LYPLAL1: variants seen among roughly 807,000 people sequenced by gnomAD.
LYPLAL1 encodes the protein lysophospholipase-like protein 1.
Under a neutral mutation model 19.7 loss-of-function variants are expected in LYPLAL1, and 23 were observed. That is an observed-to-expected ratio of 1.17 (90% CI 0.84 to 1.65). The LOEUF (loss-of-function observed/expected upper bound fraction) is 1.65, where lower values mean the gene tolerates loss of function less well. Among genes scored for constraint, LYPLAL1 ranks in the 40% most tolerant of loss-of-function variants. The probability of loss-of-function intolerance (pLI) is 0.00; values close to 1 mark genes in which losing one functional copy is unlikely to be tolerated. For missense variants in LYPLAL1, 355 were observed against 279.4 expected (o/e 1.27, Z -1.93); for synonymous variants, 119 against 96.3 (o/e 1.24, Z -1.38).
chr1:219,323,338 G>C, the LYPLAL1 span, among the ~76,000 whole-genome samples: 1 of 152,192 alleles, frequency 6.6e-6, no homozygotes, highest in African/African-American at 2.4e-5. Flanking sequence ...CCCTTGTAAA[G>C]ACTTCCTGTC....
At chr1:219,314,497 T>C in the LYPLAL1 span, among the ~76,000 whole-genome samples, 1 of 152,130 alleles carries the variant, frequency 6.6e-6, no homozygotes, top group African/African-American at 2.4e-5. Flanking sequence ...CAGGCTGGAG[T>C]GCAGTGGCGC....
chr1:219,308,250 G>A, the LYPLAL1 span, among the ~76,000 whole-genome samples: 1 of 152,196 alleles, frequency 6.6e-6, no homozygotes, highest in South Asian at 2.1e-4. Flanking sequence ...CATTCAAGAG[G>A]TGACTTGGGT....
At position 219,179,139 on chromosome 1, in the gene LYPLAL1, TTCA is replaced by T. The variant is rs773857906; in HGVS notation, c.92-4_92-2del. The T allele has an allele frequency of 1.3e-6, 2 of 1,581,150 alleles. No homozygotes were observed. Among genetic ancestry groups the T allele is most frequent in the African/African-American group, 2.7e-5 (2 of 73,044 alleles). ...ATTTATTTTAATCTAGATTTTTTGA[TTCA>T]TCAGGTGATTCTGGACAAGGATTAA... On this transcript the variant is annotated splice_polypyrimidine_tract_variant and splice_region_variant and intron_variant, in intron 1 of 4. Transcript: ENST00000366928.
chr1:219,381,807 C>A, the LYPLAL1 span, among the ~76,000 whole-genome samples: 2 of 152,078 alleles, frequency 1.3e-5, no homozygotes, highest in Non-Finnish European at 2.9e-5. Flanking sequence ...ACTAAAGATA[C>A]AAAAAAGATT....
chr1:219,420,122 CAAAGCCCCTGAGGAAA>C, the LYPLAL1 span, among the ~76,000 whole-genome samples: 1 of 152,212 alleles, frequency 6.6e-6, no homozygotes, highest in East Asian at 1.9e-4. Flanking sequence ...AGACTTGGGG[CAAAGCCCCTGAGGAAA>C]GGAATTGACT....
the LYPLAL1 span, among the ~76,000 whole-genome samples, chr1:219,415,145 T>C: frequency 1.8e-4 from 27 of 152,256 alleles, no homozygotes; most frequent in Admixed American, 1.4e-3. Context: ...ACTTCAAAAG[T>C]CTTTTATCTG....
the LYPLAL1 span, among the ~76,000 whole-genome samples, chr1:219,361,545 T>C: frequency 2.0e-5 from 3 of 152,100 alleles, no homozygotes; most frequent in Non-Finnish European, 4.4e-5. Flanking sequence ...GCACTTTTTT[T>C]CTCAGGCTCT....
the LYPLAL1 span, among the ~76,000 whole-genome samples, chr1:219,307,019 C>CAT: frequency 2.4e-4 from 24 of 98,352 alleles, no homozygotes; most frequent in African/African-American, 6.7e-4. Context: ...TATATATACA[C>CAT]ATACATATAT....
the LYPLAL1 span, among the ~76,000 whole-genome samples, chr1:219,383,141 A>G: frequency 1.3e-5 from 2 of 152,238 alleles, no homozygotes; most frequent in Admixed American, 1.3e-4. Context: ...TTTCCAGACT[A>G]TCATACTATT....
chr1:219,368,301 G>T, the LYPLAL1 span, among the ~76,000 whole-genome samples: 1 of 152,038 alleles, frequency 6.6e-6, no homozygotes, highest in African/African-American at 2.4e-5. Flanking sequence ...ACTACAAACA[G>T]GCACTACAAT....
chr1:219,440,000 T>TATATATATAC, the LYPLAL1 span, among the ~76,000 whole-genome samples: 1 of 103,422 alleles, frequency 9.7e-6, no homozygotes, highest in African/African-American at 3.7e-5. Flanking sequence ...TACACACATA[T>TATATATATAC]ATATATATAT....
At chr1:219,210,741 C>T in intron 4 of LYPLAL1, 94 bp downstream of exon 4, 1 of 1,151,272 alleles carries the variant, frequency 8.7e-7, no homozygotes, top group Non-Finnish European at 1.2e-6. Flanking sequence ...AAAACACACA[C>T]ACAGTTGATG....
chr1:219,302,340 A>G, the LYPLAL1 span, among the ~76,000 whole-genome samples: 1 of 152,198 alleles, frequency 6.6e-6, no homozygotes, highest in African/African-American at 2.4e-5. Context: ...CACTGGTCTT[A>G]TAGTATAGAA....
At chr1:219,298,236 G>A in the LYPLAL1 span, among the ~76,000 whole-genome samples, 1 of 152,116 alleles carries the variant, frequency 6.6e-6, no homozygotes, top group Non-Finnish European at 1.5e-5. Context: ...CCTGAACCTG[G>A]GAGGTCAAGG....
rs754088835 is a variant in LYPLAL1 at position 219,210,632 on chromosome 1, A to G, written c.462A>G (p.Ala154=). Residue 154 remains alanine (A), a synonymous_variant, in exon 4 of 5, where the codon GCA becomes GCG. Transcript: ENST00000366928. ...CTCTTTCTAGTTTTCTGAATAAAGC[A>G]TCTGCTGTTTACCAGGTAAGTTCCA... The part of the protein sequence containing the change: ...VFALSSFLNK[A]SAVYQALQKS... 3.1e-6 allele frequency: 5 copies of G among 1,608,176 alleles called. No individual in the cohort carries two copies. In the East Asian group the frequency reaches 6.7e-5, roughly 22 times the overall value.
chr1:219,208,602 G>A (rs533488963), intron 3 of LYPLAL1, among the ~76,000 whole-genome samples: 34 of 151,708 alleles, frequency 2.2e-4, no homozygotes, highest in Admixed American at 7.2e-4. Flanking sequence ...ATTAGTATGC[G>A]TGCACCACAG....
At chr1:219,221,250 T>G in the LYPLAL1 span, among the ~76,000 whole-genome samples, 9 of 152,160 alleles carry the variant, frequency 5.9e-5, no homozygotes, top group Non-Finnish European at 1.3e-4. Context: ...ACCAGCAGAT[T>G]TCAGCTTAGC....
the LYPLAL1 span, among the ~76,000 whole-genome samples, chr1:219,439,974 C>CGT: frequency 1.0e-5 from 1 of 100,168 alleles, no homozygotes; most frequent in African/African-American, 4.4e-5. Context: ...TATATATATA[C>CGT]ATATATATAT....
At chr1:219,245,175 CCCTTCCTTCCTTCCTT>C in the LYPLAL1 span, among the ~76,000 whole-genome samples, 36,068 of 132,404 alleles carry the variant, frequency 0.27, 5,358 homozygotes, top group Admixed American at 0.38. Flanking sequence ...CCTCTTCCAT[CCCTTCCTTCCTTCCTT>C]CCTTCCTTCC....
Sources: gnomAD v4.1 joint callset for allele counts (sites outside exome capture counted in the v4.1 genomes callset) on GRCh38, gnomAD v4.1.1 for gene constraint, MANE v1.5 for transcripts, NCBI Gene and HGNC (gene_info 2026-07-23, HGNC 2026-07-21) for gene names.